Variants in GALNT3 observed in about 807,000 individuals in gnomAD.
GALNT3 encodes GalNAc transferase 3.
In GALNT3, 51 loss-of-function variants were observed where a neutral mutation model predicts 69.8. The observed-to-expected ratio is 0.73, with a 90% CI of 0.58 to 0.92. The LOEUF (loss-of-function observed/expected upper bound fraction) is 0.92, where lower values mean the gene tolerates loss of function less well. Among genes scored for constraint, GALNT3 ranks in the 40% least tolerant of loss-of-function variants. GALNT3 has a pLI of 0.00. For missense variants in GALNT3, 711 were observed against 760.0 expected (o/e 0.94, Z 0.76); for synonymous variants, 265 against 248.5 (o/e 1.07, Z -0.63).
chr2:165,770,904 A>G, intron 1 of GALNT3, 96 bp from the exon 2 acceptor site: 1 of 506,352 alleles, frequency 2.0e-6, no homozygotes, highest in Non-Finnish European at 3.4e-6. Context: ...ATAAGCTACC[A>G]ATGTACTCTT....
At chr2:165,767,711 A>C (rs1424524206) in intron 2 of GALNT3, among the ~76,000 whole-genome samples, 2 of 152,136 alleles carry the variant, frequency 1.3e-5, no homozygotes, top group African/African-American at 4.8e-5. Context: ...CATTTGAAAA[A>C]CCTGGCACAT....
chr2:165,759,266 C>G, intron 5 of GALNT3, 70 bp downstream of exon 5: 2 of 1,236,814 alleles, frequency 1.6e-6, no homozygotes, highest in Non-Finnish European at 2.3e-6. Context: ...TGCTATAAAG[C>G]AAACAGTGTG....
chr2:165,760,222 T>C (rs1374303224), intron 4 of GALNT3, among the ~76,000 whole-genome samples: 1 of 152,236 alleles, frequency 6.6e-6, no homozygotes, highest in African/African-American at 2.4e-5. Flanking sequence ...GGTACAGTAA[T>C]TGAAATTTTC....
At chr2:165,762,989 C>T (rs150727223) in intron 3 of GALNT3, among the ~76,000 whole-genome samples, 1,674 of 147,576 alleles carry the variant, frequency 0.011, 33 homozygotes, top group African/African-American at 0.039. Flanking sequence ...TTTTTAGAGA[C>T]GGGGTTTCAT....
chr2:165,749,991 T>C, intron 9 of GALNT3, 97 bp from the exon 10 acceptor site: 1 of 1,093,462 alleles, frequency 9.1e-7, no homozygotes, highest in South Asian at 1.3e-5. Flanking sequence ...AATAAAGTCA[T>C]TTCTATTTCA....
rs763244354 is a variant in GALNT3, at chr2:165,762,008, T to C, written c.735A>G (p.Ile245Met). The change falls in exon 4 of 11, where the codon ATA becomes ATG. Residue 245 changes from isoleucine to methionine, a missense_variant. Coordinates refer to ENST00000392701, the MANE Select transcript of GALNT3 (RefSeq NM_004482.4). ...TTTCTCTTTGTCTGACTATTTTTAC[T>C]ATAGAAAATTGTTTTACATATTCAT... ...KLDEYVKQFS[I>M]VKIVRQRERK... 1 of 1,603,730 alleles carries C rather than the reference T, an allele frequency of 6.2e-7. No individual in the cohort carries two copies. Among genetic ancestry groups the C allele is most frequent in the South Asian group, 1.1e-5 (1 of 90,896 alleles).
At chr2:165,784,590 A>G (rs916823394) in intron 1 of GALNT3, among the ~76,000 whole-genome samples, 2 of 151,968 alleles carry the variant, frequency 1.3e-5, no homozygotes, top group African/African-American at 4.8e-5. Flanking sequence ...AATCCCAGCT[A>G]CTCGGGAGGC....
At chr2:165,778,213 AC>A (rs1683016266) in intron 1 of GALNT3, among the ~76,000 whole-genome samples, 1 of 152,224 alleles carries the variant, frequency 6.6e-6, no homozygotes, top group Non-Finnish European at 1.5e-5. Context: ...CTTTTACATT[AC>A]ATATGAAAGA....
chr2:165,754,801 A>G, intron 8 of GALNT3, 73 bp from the exon 9 acceptor site: 1 of 1,360,366 alleles, frequency 7.4e-7, no homozygotes, highest in Non-Finnish European at 1.0e-6. Flanking sequence ...ATAATTTAGA[A>G]AGTAATGTTA....
chr2:165,768,017 GC>G (rs1293060041), intron 2 of GALNT3, among the ~76,000 whole-genome samples: 3 of 151,868 alleles, frequency 2.0e-5, no homozygotes, highest in Non-Finnish European at 4.4e-5. Flanking sequence ...GGGACTACAG[GC>G]GCACATCACC....
At chr2:165,770,142 A>T in intron 2 of GALNT3, 44 bp downstream of exon 2, 1 of 1,612,490 alleles carries the variant, frequency 6.2e-7, no homozygotes. Context: ...CTCCCCTGCA[A>T]AGCCTGGTGA....
rs1422345682 is a variant in GALNT3 at position 165,749,724 on chromosome 2, T to C, written c.1779+18A>G. ...TAAGAAAAATAGTTAAATAGATGAA[T>C]TAATTGCACTGAGGTACCTTCTGGA... On this transcript the variant is annotated intron_variant, in intron 10 of 10. Transcript: ENST00000392701. The C allele has an allele frequency of 1.9e-6, 3 of 1,610,030 alleles. No individual in the cohort carries two copies. In the African/African-American group the frequency reaches 4.0e-5, roughly 22 times the overall value.
chr2:165,756,909 T>G, intron 7 of GALNT3, 138 bp downstream of exon 7: 1 of 646,578 alleles, frequency 1.5e-6, no homozygotes. Flanking sequence ...AAACTTGGAT[T>G]CATAAGTCAT....
At chr2:165,769,407 A>AAAT (rs35161167) in intron 2 of GALNT3, among the ~76,000 whole-genome samples, 28,161 of 131,068 alleles carry the variant, frequency 0.21, 3,172 homozygotes, top group East Asian at 0.31. Flanking sequence ...CTCCATCTCA[A>AAAT]AATAATAATA....
rs761896014 is a variant in GALNT3, at chr2:165,759,492, A to G, written c.917T>C (p.Ile306Thr). The G allele has an allele frequency of 1.2e-6, 2 of 1,614,074 alleles. No homozygotes were observed. Among genetic ancestry groups the G allele is most frequent in the Admixed American group, 1.7e-5 (1 of 60,014 alleles). Residue 306 changes from isoleucine to threonine, a missense_variant, in exon 5 of 11, where the codon ATT (isoleucine) becomes ACT (threonine). Transcript: ENST00000392701. Reference sequence around the variant, plus strand: ...AAACGTGTTCAGATCTATGGATGCAATATCTGGACTTACGACAGCCGTGTA... The same window carrying G: ...AAACGTGTTCAGATCTATGGATGCAGTATCTGGACTTACGACAGCCGTGTA... ...ENYTAVVSPD[I>T]ASIDLNTFEF...
intron 2 of GALNT3, among the ~76,000 whole-genome samples, chr2:165,766,073 C>T (rs1401893618): frequency 1.3e-5 from 2 of 152,120 alleles, no homozygotes; most frequent in Non-Finnish European, 2.9e-5. Flanking sequence ...GCCATCATGT[C>T]CAGCCTAAAC....
At chr2:165,785,207 T>C (rs1207618389) in intron 1 of GALNT3, among the ~76,000 whole-genome samples, 1 of 151,830 alleles carries the variant, frequency 6.6e-6, no homozygotes, top group East Asian at 1.9e-4. Flanking sequence ...ACTCTACCAA[T>C]AGGGAAAGAG....
At chr2:165,764,512 T>A (rs186855862) in intron 3 of GALNT3, among the ~76,000 whole-genome samples, 2 of 152,220 alleles carry the variant, frequency 1.3e-5, no homozygotes, top group Non-Finnish European at 2.9e-5. Context: ...ATTCCCATTT[T>A]GCTGATAAAT....
intron 1 of GALNT3, among the ~76,000 whole-genome samples, chr2:165,773,187 G>A (rs1256156698): frequency 6.6e-5 from 10 of 152,152 alleles, no homozygotes; most frequent in Admixed American, 3.3e-4. Flanking sequence ...CATGTGTCAA[G>A]GGCAGGGGCA....
Sources: gnomAD v4.1 joint callset for allele counts (sites outside exome capture counted in the v4.1 genomes callset) on GRCh38, gnomAD v4.1.1 for gene constraint, MANE v1.5 for transcripts, NCBI Gene and HGNC (gene_info 2026-07-23, HGNC 2026-07-21) for gene names.